Variants in CDK6 observed in about 807,000 individuals in gnomAD.
The protein encoded by CDK6 is cyclin-dependent kinase 6.
Under a neutral mutation model 37.1 loss-of-function variants are expected in CDK6, and 6 were observed. That is an observed-to-expected ratio of 0.16 (90% CI 0.09 to 0.32). The LOEUF (loss-of-function observed/expected upper bound fraction) is 0.32, where lower values mean the gene tolerates loss of function less well. Among genes scored for constraint, CDK6 ranks in the 10% least tolerant of loss-of-function variants. The pLI is 1.00. For synonymous variants in CDK6, 160 were observed against 161.3 expected, an observed-to-expected ratio of 0.99 and a Z score of 0.06; for missense variants, 224 against 418.9, an observed-to-expected ratio of 0.53 and a Z score of 4.06.
At chr7:92,710,839 C>T (rs1798071554) in intron 4 of CDK6, 1 of 985,312 alleles carries the variant, frequency 1.0e-6, no homozygotes, top group Non-Finnish European at 1.2e-6. Flanking sequence ...ATGACTTGGA[C>T]ACCTCTGCAC....
At chr7:92,771,571 C>T (rs1190030663) in intron 3 of CDK6, among the ~76,000 whole-genome samples, 4 of 152,166 alleles carry the variant, frequency 2.6e-5, no homozygotes, top group African/African-American at 9.6e-5. Flanking sequence ...AATAACCATA[C>T]AGAATGTGTA....
chr7:92,817,836 T>G (rs546123500), intron 2 of CDK6, among the ~76,000 whole-genome samples: 1 of 151,848 alleles, frequency 6.6e-6, no homozygotes, highest in African/African-American at 2.4e-5. Context: ...AGACTATAGC[T>G]CTCAATGACA....
In CDK6 at chr7:92,605,013, T is replaced by C; in HGVS notation, c.*10127A>G. On this transcript the variant is annotated 3_prime_UTR_variant, in exon 8 of 8. Transcript: ENST00000424848. ...AAAAGAAAATAGCCAGGAGAGTAAT[T>C]CATCTCCAGAAAGCAGTTTAAAGTT... The C allele has an allele frequency of 4.4e-6, 1 of 227,776 alleles. No individual in the cohort carries two copies. Among genetic ancestry groups the C allele is most frequent in the Non-Finnish European group, 8.7e-6 (1 of 114,776 alleles). 14.1% of individuals were successfully genotyped at this position (227,776 alleles called of 1,614,324 possible).
At chr7:92,656,597 T>C (rs1796705307) in intron 5 of CDK6, among the ~76,000 whole-genome samples, 1 of 152,206 alleles carries the variant, frequency 6.6e-6, no homozygotes, top group Admixed American at 6.5e-5. Flanking sequence ...ATAAAACAAA[T>C]GTAAATGTTA....
intron 4 of CDK6, among the ~76,000 whole-genome samples, chr7:92,703,086 T>C (rs1254480422): frequency 1.3e-5 from 2 of 152,186 alleles, no homozygotes; most frequent in African/African-American, 4.8e-5. Flanking sequence ...GAACCCCATA[T>C]AGAGCTTATA....
chr7:92,635,747 G>A (rs1170279633), intron 5 of CDK6, among the ~76,000 whole-genome samples: 1 of 151,870 alleles, frequency 6.6e-6, no homozygotes, highest in African/African-American at 2.4e-5. Flanking sequence ...CCTATCTTTG[G>A]CCCAAATCTC....
rs536575291 is a variant in CDK6, at chr7:92,715,276, AC to A, written c.537+10349del. Among the ~76,000 whole-genome samples, 840 of 152,310 alleles carry A rather than the reference AC, an allele frequency of 5.5e-3. 10 individuals are homozygous for A. Among genetic ancestry groups the A allele is most frequent in the African/African-American group, 0.019 (804 of 41,568 alleles). On this transcript the variant is annotated intron_variant, in intron 4 of 7. Transcript: ENST00000424848. ...CTTGTAACTTTATATCAGTATCCAA[AC>A]CTGAAGTAGTAGAGCTTTTTCTCCC...
At chr7:92,640,288 T>C (rs1796273705) in intron 5 of CDK6, among the ~76,000 whole-genome samples, 1 of 152,206 alleles carries the variant, frequency 6.6e-6, no homozygotes, top group Non-Finnish European at 1.5e-5. Context: ...AGGTTCTGTG[T>C]TGATAACAGT....
intron 5 of CDK6, among the ~76,000 whole-genome samples, chr7:92,625,557 CAAAACAAA>C (rs1795909344): frequency 6.9e-6 from 1 of 145,044 alleles, no homozygotes; most frequent in Admixed American, 6.8e-5. Context: ...CAAAACAAAA[CAAAACAAA>C]AAAAACCAAA....
At chr7:92,760,768 TG>T (rs1799435079) in intron 3 of CDK6, among the ~76,000 whole-genome samples, 1 of 152,158 alleles carries the variant, frequency 6.6e-6, no homozygotes, top group African/African-American at 2.4e-5. Flanking sequence ...ATTCCCAAAA[TG>T]GGATCATATT....
chr7:92,725,124 T>TA (rs1798480129), intron 4 of CDK6: 10 of 985,412 alleles, frequency 1.0e-5, no homozygotes, highest in Non-Finnish European at 1.2e-5. Context: ...GGCGGTGCTC[T>TA]ACGTTCATGC....
At chr7:92,759,253 C>T (rs1799391827) in intron 3 of CDK6, among the ~76,000 whole-genome samples, 1 of 152,092 alleles carries the variant, frequency 6.6e-6, no homozygotes, top group African/African-American at 2.4e-5. Flanking sequence ...TTTTCCAGTC[C>T]ATTTCCCCTG....
At chr7:92,632,971 A>T (rs2116516549) in intron 5 of CDK6, among the ~76,000 whole-genome samples, 2 of 139,708 alleles carry the variant, frequency 1.4e-5, no homozygotes, top group African/African-American at 5.4e-5. Context: ...ACAAGCTAAG[A>T]TGGCACCAAT....
At chr7:92,804,034 T>C (rs1048996288) in intron 2 of CDK6, among the ~76,000 whole-genome samples, 2 of 152,218 alleles carry the variant, frequency 1.3e-5, no homozygotes, top group African/African-American at 2.4e-5. Flanking sequence ...TCACCTCATA[T>C]AGATTAGTGA....
chr7:92,711,977 A>T (rs1191486040), intron 4 of CDK6, among the ~76,000 whole-genome samples: 2 of 152,194 alleles, frequency 1.3e-5, no homozygotes, highest in Non-Finnish European at 2.9e-5. Context: ...TCACGAGGTC[A>T]GGAGATCGAG....
intron 6 of CDK6, among the ~76,000 whole-genome samples, chr7:92,621,449 A>C (rs983495689): frequency 5.3e-5 from 8 of 152,192 alleles, no homozygotes; most frequent in African/African-American, 1.9e-4. Context: ...GGGCACTAAC[A>C]ATGTTAACAA....
chr7:92,619,688 T>C (rs1452829893), intron 6 of CDK6, among the ~76,000 whole-genome samples: 1 of 151,934 alleles, frequency 6.6e-6, no homozygotes, highest in East Asian at 1.9e-4. Flanking sequence ...GCTGGGAAGA[T>C]AACCCTGTCA....
At chr7:92,787,795 T>C (rs537712137) in intron 2 of CDK6, among the ~76,000 whole-genome samples, 1 of 152,244 alleles carries the variant, frequency 6.6e-6, no homozygotes, top group African/African-American at 2.4e-5. Flanking sequence ...TACTCTAATG[T>C]TTCTTAAATA....
intron 5 of CDK6, among the ~76,000 whole-genome samples, chr7:92,642,839 C>T (rs897826299): frequency 1.2e-4 from 18 of 151,796 alleles, no homozygotes; most frequent in Middle Eastern, 3.4e-3. Flanking sequence ...TACATCGCAT[C>T]GTTTGGCTAT....
Sources: gnomAD v4.1 joint callset for allele counts (sites outside exome capture counted in the v4.1 genomes callset) on GRCh38, gnomAD v4.1.1 for gene constraint, MANE v1.5 for transcripts, NCBI Gene and HGNC (gene_info 2026-07-23, HGNC 2026-07-21) for gene names.